HLA-F: variants seen among roughly 807,000 people sequenced by gnomAD.
HLA-F encodes the protein HLA class I histocompatibility antigen, alpha chain F.
A neutral mutation model predicts 49.5 loss-of-function variants in HLA-F; 46 were observed. The ratio of observed to expected loss-of-function variants is 0.93; its 90% CI spans 0.73 to 1.19. The LOEUF is 1.19. Among genes scored for constraint, HLA-F ranks in the 50% most tolerant of loss-of-function variants. The pLI is 0.00. For missense variants in HLA-F, 496 were observed against 579.6 expected (o/e 0.86, Z 1.48); for synonymous variants, 203 against 233.5 (o/e 0.87, Z 1.19).
intron 3 of HLA-F, among the ~76,000 whole-genome samples, chr6:29,733,428 C>T (rs1373454695): frequency 6.6e-6 from 1 of 152,146 alleles, no homozygotes; most frequent in East Asian, 1.9e-4. Context: ...TAGATTTTCA[C>T]ATTTCTAATA....
downstream of HLA-F, among the ~76,000 whole-genome samples, chr6:29,727,484 C>T (rs927454420): frequency 7.9e-5 from 12 of 152,180 alleles, no homozygotes; most frequent in African/African-American, 2.2e-4. Flanking sequence ...AGAGATGAGG[C>T]CAAATACCTG....
chr6:29,731,936 G>A (rs2743922), downstream of HLA-F, among the ~76,000 whole-genome samples: 1 of 151,822 alleles, frequency 6.6e-6, no homozygotes, highest in South Asian at 2.1e-4. Context: ...AGCAGTCTCT[G>A]GTTTAATATT....
At chr6:29,723,613 C>G (rs1632955) in intron 1 of HLA-F, 45 bp from the exon 2 acceptor site, 1,325,696 of 1,597,424 alleles carry the variant, frequency 0.83, 552,204 homozygotes, top group East Asian at 0.99. Context: ...AGGGAGCCGC[C>G]TCCGGAGGAG....
At chr6:29,725,873 C>T in intron 5 of HLA-F, 138 bp from the exon 6 acceptor site, 2 of 962,172 alleles carry the variant, frequency 2.1e-6, no homozygotes, top group Non-Finnish European at 3.3e-6. Context: ...CTGCTTTCTT[C>T]ATATTTCTTG....
At chr6:29,735,106 A>G (rs1345495054) in intron 3 of HLA-F, 1 of 151,776 alleles carries the variant, frequency 6.6e-6, no homozygotes, top group Non-Finnish European at 1.5e-5. Flanking sequence ...AAAACAAAGG[A>G]AGAATTAAAC....
chr6:29,729,861 A>T (rs1331053208), downstream of HLA-F, among the ~76,000 whole-genome samples: 1 of 152,252 alleles, frequency 6.6e-6, no homozygotes, highest in East Asian at 1.9e-4. Context: ...TCTCCAAAGA[A>T]GATATACAAA....
At chr6:29,737,218 CAAAA>C (rs3030698) in intron 3 of HLA-F, among the ~76,000 whole-genome samples, 16,481 of 65,438 alleles carry the variant, frequency 0.25, 1,040 homozygotes, top group Non-Finnish European at 0.27. Context: ...ATCCTCATGG[CAAAA>C]AAAAAAAAAA....
At chr6:29,726,514 C>T (rs967530031) in intron 6 of HLA-F, 5 of 1,538,040 alleles carry the variant, frequency 3.3e-6, no homozygotes, top group African/African-American at 1.4e-5. Context: ...AAAAATATAT[C>T]TTTTTATAGA....
chr6:29,725,496 T>G lies in HLA-F; in HGVS notation c.936T>G (p.Leu312=). Residue 312 remains leucine (L), a synonymous_variant, in exon 5 of 7, where the codon CTT becomes CTG. Coordinates refer to ENST00000259951, the MANE Select transcript of HLA-F (RefSeq NM_001098479.2). The part of the protein sequence containing the change: ...TIPIVGIVAG[L]VVLGAVVTGA... ...CCATCGTGGGCATCGTTGCTGGCCTTGTTGTCCTTGGAGCTGTGGTCACTG... is the reference window on the plus strand; with the variant it reads ...CCATCGTGGGCATCGTTGCTGGCCTGGTTGTCCTTGGAGCTGTGGTCACTG... 6.2e-7 allele frequency: 1 copy of G among 1,613,926 alleles called. No homozygotes were observed. Among genetic ancestry groups the G allele is most frequent in the Non-Finnish European group, 8.5e-7 (1 of 1,179,938 alleles).
In HLA-F at chr6:29,727,005, G is replaced by A. The variant is rs1776165776; in HGVS notation, c.1159G>A (p.Val387Met). The change falls in exon 7 of 7, where the codon GTG becomes ATG. Residue 387 changes from valine (V) to methionine (M), a missense_variant. By Grantham distance (21) the Val-to-Met change is conservative. Transcript: ENST00000259951. ...TCACAGTGTCTTGGGCCGCCGGAAG[G>A]TGGGTGACATGTGGATCTTGTTTTT... ...RSHSVLGRRK[V>M]GDMWILFFLW... 6.2e-7 allele frequency: 1 copy of A among 1,613,556 alleles called. No individual in the cohort carries two copies.
downstream of HLA-F, among the ~76,000 whole-genome samples, chr6:29,731,221 GTAGATGGATACATAGA>G (rs1562301760): frequency 8.1e-6 from 1 of 123,736 alleles, no homozygotes; most frequent in African/African-American, 3.3e-5. Flanking sequence ...ACCCAATAGA[GTAGATGGATACATAGA>G]TAGATAGATA....
intron 6 of HLA-F, chr6:29,726,257 A>T: frequency 1.0e-6 from 1 of 967,762 alleles, no homozygotes; most frequent in Non-Finnish European, 1.7e-6. Context: ...CCCTGATGTG[A>T]GTGGGGTGTT....
chr6:29,732,667 C>T (rs890846067), intron 3 of HLA-F, among the ~76,000 whole-genome samples: 2 of 151,758 alleles, frequency 1.3e-5, no homozygotes, highest in Admixed American at 6.6e-5. Flanking sequence ...AGTCTGGTCT[C>T]GAATTCCTGA....
chr6:29,734,625 T>C (rs564857027), intron 3 of HLA-F, among the ~76,000 whole-genome samples: 8 of 152,168 alleles, frequency 5.3e-5, no homozygotes, highest in Non-Finnish European at 8.8e-5. Flanking sequence ...GATTTTGGAA[T>C]CTATTCTTCA....
At position 29,726,824 on chromosome 6, in the gene HLA-F, G is replaced by T. The variant is rs1291237353; in HGVS notation, c.1037-59G>T. The stretch of plus-strand genomic sequence containing the variant: ...TCACAGCCTGTTTGATCTGGTGCTT[G>T]TTGGCTTTAACATCCACAGTGAACA... On this transcript the variant is annotated intron_variant, in intron 6 of 6. Coordinates refer to ENST00000259951, the MANE Select transcript of HLA-F (RefSeq NM_001098479.2). 3 of 1,570,626 alleles carry T rather than the reference G, an allele frequency of 1.9e-6. No homozygotes were observed. In the African/African-American group the frequency reaches 4.0e-5, roughly 21 times the overall value.
In HLA-F at chr6:29,726,725, G is replaced by A. The variant is rs929564159; in HGVS notation, c.1037-158G>A. The stretch of plus-strand genomic sequence containing the variant: ...AAAGCATCGTAGTCAGGAGCCAGTC[G>A]AACATATGCCTTCCTCTCTCCATCA... On this transcript the variant is annotated intron_variant, in intron 6 of 6. Transcript: ENST00000259951. 2.4e-5 allele frequency: 29 copies of A among 1,228,340 alleles called. No individual in the cohort carries two copies. In the South Asian group the frequency reaches 3.0e-4, roughly 13 times the overall value. The allele number at this position is 1,228,340 out of a possible 1,614,324, so 76.1% of individuals were successfully genotyped here. A position where few individuals can be genotyped will look rare whatever the true frequency, so the allele number is the denominator to read the frequency against.
chr6:29,728,433 T>A (rs1227261692), downstream of HLA-F: 1 of 187,982 alleles, frequency 5.3e-6, no homozygotes, highest in African/African-American at 2.4e-5. Flanking sequence ...GCATTGGATG[T>A]TGATATTCAT....
In HLA-F at chr6:29,726,992, G is replaced by C; in HGVS notation, c.1146G>C (p.Leu382Phe). The C allele has an allele frequency of 6.2e-7, 1 of 1,613,400 alleles. No homozygotes were observed. The highest frequency in any genetic ancestry group is 8.5e-7 in the Non-Finnish European group (1 of 1,180,032). ...GCTGCCTCCGGAGTCACAGTGTCTT[G>C]GGCCGCCGGAAGGTGGGTGACATGT... ...YLGCLRSHSV[L>F]GRRKVGDMWI... Residue 382 changes from leucine to phenylalanine, a missense_variant, in exon 7 of 7, where the codon TTG becomes TTC. Transcript: ENST00000259951.
chr6:29,728,585 C>A (rs1319448155), downstream of HLA-F: 1 of 152,802 alleles, frequency 6.5e-6, no homozygotes, highest in South Asian at 2.0e-4. Context: ...AGTGCAAGGT[C>A]ATCTGCCCTT....
Sources: gnomAD v4.1 joint callset for allele counts (sites outside exome capture counted in the v4.1 genomes callset) on GRCh38, gnomAD v4.1.1 for gene constraint, MANE v1.5 for transcripts, NCBI Gene and HGNC (gene_info 2026-07-23, HGNC 2026-07-21) for gene names.